The following MAGI3 variants were observed in gnomAD, a reference collection of about 807,000 sequenced individuals.
MAGI3 encodes the protein membrane associated guanylate kinase, WW and PDZ domain containing 3, also known as membrane-associated guanylate kinase, WW and PDZ domain-containing protein 3.
In MAGI3, 43 loss-of-function variants were observed where a neutral mutation model predicts 121.8. That is an observed-to-expected ratio of 0.35 (90% CI 0.28 to 0.46). The LOEUF (loss-of-function observed/expected upper bound fraction) is 0.46. Ranked by LOEUF, MAGI3 falls within the 20% of genes least tolerant of loss-of-function variation. The pLI is 1.00. For missense variants in MAGI3, 1,547 were observed against 1,797.3 expected, an observed-to-expected ratio of 0.86 and a Z score of 2.52; for synonymous variants, 553 against 639.3, an observed-to-expected ratio of 0.86 and a Z score of 2.04.
intron 1 of MAGI3, among the ~76,000 whole-genome samples, chr1:113,484,622 A>G (rs997363269): frequency 1.3e-4 from 17 of 134,678 alleles, no homozygotes; most frequent in South Asian, 9.5e-4. Context: ...ATATATATAT[A>G]TACCTACCTT....
intron 6 of MAGI3, among the ~76,000 whole-genome samples, chr1:113,597,473 C>T (rs148094884): frequency 6.6e-6 from 1 of 152,028 alleles, no homozygotes; most frequent in African/African-American, 2.4e-5. Flanking sequence ...TAAATTATAC[C>T]TCAATAAAGT....
At chr1:113,505,117 C>T (rs1357629070) in intron 1 of MAGI3, among the ~76,000 whole-genome samples, 3 of 151,818 alleles carry the variant, frequency 2.0e-5, no homozygotes, top group Non-Finnish European at 4.4e-5. Context: ...AATAATACAA[C>T]AGGAGTAGGA....
At chr1:113,437,806 T>TTCTTCTTC (rs1653654507) in intron 1 of MAGI3, among the ~76,000 whole-genome samples, 1 of 119,500 alleles carries the variant, frequency 8.4e-6, no homozygotes. Flanking sequence ...TCTTTCTTCT[T>TTCTTCTTC]TTCTTCTTCT....
At chr1:113,446,680 T>C (rs916160695) in intron 1 of MAGI3, among the ~76,000 whole-genome samples, 1 of 152,112 alleles carries the variant, frequency 6.6e-6, no homozygotes, top group Non-Finnish European at 1.5e-5. Flanking sequence ...AGTGAAAGGA[T>C]TGAAAAAGAT....
intron 1 of MAGI3, among the ~76,000 whole-genome samples, chr1:113,435,746 T>C (rs1257875847): frequency 1.3e-5 from 2 of 152,210 alleles, no homozygotes; most frequent in Middle Eastern, 3.4e-3. Context: ...ATTTGAAATA[T>C]TACAAAAGAC....
intron 1 of MAGI3, among the ~76,000 whole-genome samples, chr1:113,546,843 G>A (rs1418902724): frequency 6.6e-6 from 1 of 151,610 alleles, no homozygotes; most frequent in Non-Finnish European, 1.5e-5. Flanking sequence ...AGCACTTTGG[G>A]AGGCCGAGGT....
chr1:113,636,042 A>C lies in MAGI3; in HGVS notation c.1361-5869A>C, dbSNP rs558758211. 4.1e-4 allele frequency among the ~76,000 whole-genome samples: 62 copies of C among 152,180 alleles called. 1 individual carries two copies. In the South Asian group the frequency reaches 0.013, roughly 31 times the overall value. On this transcript the variant is annotated intron_variant, in intron 9 of 20. Transcript: ENST00000307546. The stretch of plus-strand genomic sequence containing the variant: ...GGTGTTTGTAGTATTCTCTGATGGT[A>C]GTTTGTATTTCTGTGGGATCGGTGG...
At chr1:113,642,583 C>T in intron 10 of MAGI3, 67 bp downstream of exon 10, 1 of 1,507,310 alleles carries the variant, frequency 6.6e-7, no homozygotes, top group Non-Finnish European at 8.9e-7. Context: ...ATTGTCTTTC[C>T]TTACAGTTTA....
At chr1:113,503,219 TA>T (rs869272201) in intron 1 of MAGI3, among the ~76,000 whole-genome samples, 1 of 8,996 alleles carries the variant, frequency 1.1e-4, no homozygotes, top group Non-Finnish European at 1.6e-4. Flanking sequence ...AGAGTATAAT[TA>T]AAAAAAAAAA....
intron 9 of MAGI3, among the ~76,000 whole-genome samples, chr1:113,625,962 TTTTTGTTTTG>T (rs886366300): frequency 1.3e-5 from 2 of 152,040 alleles, no homozygotes; most frequent in South Asian, 2.1e-4. Flanking sequence ...AGTTTTTTTG[TTTTTGTTTTG>T]TTTTGTTTTG....
In MAGI3 at chr1:113,443,465, C is replaced by T. The variant is rs143945090; in HGVS notation, c.316+52116C>T. ...GTGGTACAGAGTAAAAATTAGCAGA[C>T]GACTCCTCATTAGAAGTTTTACTCT... On this transcript the variant is annotated intron_variant, in intron 1 of 20. Transcript: ENST00000307546. Among the ~76,000 whole-genome samples the T allele has an allele frequency of 9.9e-5, 15 of 152,174 alleles. No individual in the cohort carries two copies. The East Asian group carries it at 1.3e-3, about 14-fold the overall frequency.
intron 1 of MAGI3, among the ~76,000 whole-genome samples, chr1:113,540,738 T>C (rs1198310194): frequency 6.6e-6 from 1 of 152,196 alleles, no homozygotes; most frequent in African/African-American, 2.4e-5. Context: ...TCCCTGGCCA[T>C]GTGTCTGACA....
intron 1 of MAGI3, chr1:113,450,063 G>C: frequency 1.3e-6 from 2 of 1,537,920 alleles, no homozygotes; most frequent in Non-Finnish European, 1.8e-6. Context: ...TAATTTGAGA[G>C]ACTTCTTTGA....
intron 13 of MAGI3, among the ~76,000 whole-genome samples, chr1:113,650,313 A>G (rs929769799): frequency 3.3e-5 from 5 of 152,150 alleles, no homozygotes; most frequent in African/African-American, 9.7e-5. Context: ...TTTTGTTGAT[A>G]CTCATAATGT....
Position 113,682,996 on chromosome 1 carries a change from C to T in MAGI3, c.3428C>T (p.Ser1143Phe). Residue 1143 changes from serine to phenylalanine, a missense_variant, in exon 21 of 21, where the codon TCT becomes TTT. Coordinates refer to ENST00000307546, the MANE Select transcript of MAGI3 (RefSeq NM_001142782.2). ...SSHFASIFEE[S>F]HVPVIEESLR... ...CATTTTGCTTCCATATTTGAAGAGT[C>T]TCACGTGCCAGTAATTGAAGAATCT... 2 of 1,613,914 alleles carry T rather than the reference C, an allele frequency of 1.2e-6. No homozygotes were observed. The highest frequency in any genetic ancestry group is 1.7e-5 in the Admixed American group (1 of 60,022).
At chr1:113,669,073 A>AC (rs746281948) in intron 16 of MAGI3, among the ~76,000 whole-genome samples, 191 of 152,334 alleles carry the variant, frequency 1.3e-3, no homozygotes, top group Non-Finnish European at 2.3e-3. Context: ...TCTTGACCAC[A>AC]TGCAAAGGTA....
intron 1 of MAGI3, among the ~76,000 whole-genome samples, chr1:113,397,149 C>T (rs1651157410): frequency 6.6e-6 from 1 of 151,904 alleles, no homozygotes; most frequent in South Asian, 2.1e-4. Flanking sequence ...GTTTTTTGGT[C>T]GAATACCAGA....
chr1:113,684,062 C>G lies in MAGI3; in HGVS notation c.*48C>G, dbSNP rs371509953. 5.9e-4 allele frequency: 842 copies of G among 1,438,386 alleles called. 2 individuals are homozygous for G. The African/African-American group carries it at 9.4e-3, about 16-fold the overall frequency. 89.1% of individuals were successfully genotyped at this position (1,438,386 alleles called of 1,614,324 possible). On this transcript the variant is annotated 3_prime_UTR_variant, in exon 21 of 21. Coordinates refer to ENST00000307546, the MANE Select transcript of MAGI3 (RefSeq NM_001142782.2). ...AACAAGTTGTAATCTTTTCTTACAG[C>G]AGCATTTTTCCAGAAAAAGCCTTTT...
chr1:113,635,153 A>G (rs1251339070), intron 9 of MAGI3, among the ~76,000 whole-genome samples: 1 of 152,220 alleles, frequency 6.6e-6, no homozygotes, highest in Non-Finnish European at 1.5e-5. Flanking sequence ...TTCTAGATAT[A>G]CAATCATGTC....
Sources: gnomAD v4.1 joint callset for allele counts (sites outside exome capture counted in the v4.1 genomes callset) on GRCh38, gnomAD v4.1.1 for gene constraint, MANE v1.5 for transcripts, NCBI Gene and HGNC (gene_info 2026-07-23, HGNC 2026-07-21) for gene names.